Variants in ZDHHC15 observed in about 807,000 individuals in gnomAD.
The protein encoded by ZDHHC15 is zDHHC palmitoyltransferase 15.
ZDHHC15 carries 19 observed loss-of-function variants against 31.7 expected under a neutral mutation model. That is an observed-to-expected ratio of 0.60 (90% CI 0.42 to 0.88). The LOEUF is 0.88. ZDHHC15 is among the 40% of genes least tolerant of loss of function. The pLI is 0.00. For synonymous variants in ZDHHC15, 103 were observed against 90.0 expected (o/e 1.14, Z -0.82); for missense variants, 209 against 251.2 (o/e 0.83, Z 1.14).
chrX:75,482,437 T>C (rs758201917), intron 2 of ZDHHC15, among the ~76,000 whole-genome samples: 70 of 111,971 alleles, frequency 6.3e-4, no homozygotes, highest in Non-Finnish European at 1.1e-3. Flanking sequence ...TATTACATTT[T>C]GAAATGGCTT....
At chrX:75,384,706 GA>G in intron 10 of ZDHHC15, 1 of 804,534 alleles carries the variant, frequency 1.2e-6, no homozygotes, top group Non-Finnish European at 1.9e-6. Flanking sequence ...ATAAGCCAAA[GA>G]GAAAGGTACC....
intron 8 of ZDHHC15, among the ~76,000 whole-genome samples, chrX:75,422,969 C>T (rs988038548): frequency 1.4e-5 from 1 of 72,333 alleles, no homozygotes; most frequent in African/African-American, 5.5e-5. Flanking sequence ...CCCCACCCCA[C>T]AACAGGCCCC....
rs903530458 is a variant in ZDHHC15 at position 75,467,646 on chromosome X, T to C, written c.258+11245A>G. ...TGTAGTGGATGTCTAAATTCTGTCA[T>C]CATCTCACCCAGGTTAGGGCTATGA... On this transcript the variant is annotated intron_variant, in intron 3 of 11. Transcript: ENST00000373367. 4.1e-4 allele frequency among the ~76,000 whole-genome samples: 46 copies of C among 112,426 alleles called. 1 individual carries two copies. The highest frequency in any genetic ancestry group is 1.5e-3 in the African/African-American group (46 of 30,977).
intron 10 of ZDHHC15, among the ~76,000 whole-genome samples, chrX:75,379,979 G>T (rs1200228326): frequency 2.4e-5 from 1 of 41,086 alleles, no homozygotes; most frequent in East Asian, 1.1e-3. Flanking sequence ...ATTCCAGACA[G>T]CAGGTTGCTT....
intron 1 of ZDHHC15, among the ~76,000 whole-genome samples, chrX:75,513,510 A>G (rs1258991289): frequency 1.8e-5 from 2 of 111,385 alleles, no homozygotes; most frequent in Admixed American, 1.9e-4. Flanking sequence ...GTGACATTTT[A>G]AAGTGGCTGC....
chrX:75,460,396 G>A (rs1019813370), intron 3 of ZDHHC15, among the ~76,000 whole-genome samples: 1 of 110,842 alleles, frequency 9.0e-6, no homozygotes, highest in African/African-American at 3.3e-5. Flanking sequence ...GGACAAGGAT[G>A]GGTTCCCTCC....
chrX:75,482,018 T>C (rs770509495), intron 2 of ZDHHC15, among the ~76,000 whole-genome samples: 2 of 111,964 alleles, frequency 1.8e-5, no homozygotes, highest in East Asian at 2.8e-4. Flanking sequence ...TTTGAAGGAA[T>C]GAAGATAATG....
intron 4 of ZDHHC15, among the ~76,000 whole-genome samples, chrX:75,445,076 C>T (rs1005544087): frequency 6.3e-5 from 7 of 110,885 alleles, no homozygotes; most frequent in Non-Finnish European, 1.3e-4. Context: ...TCACTGATGG[C>T]AGACAGTGGG....
At chrX:75,485,197 C>T (rs1317983501) in intron 2 of ZDHHC15, among the ~76,000 whole-genome samples, 1 of 111,040 alleles carries the variant, frequency 9.0e-6, no homozygotes, top group Non-Finnish European at 1.9e-5. Context: ...AATGGTGACA[C>T]TGCATATAAA....
rs777504672 is a variant in ZDHHC15, at chrX:75,379,782, G to A, written c.968-584C>T. On this transcript the variant is annotated intron_variant, in intron 10 of 11. Coordinates refer to ENST00000373367, the MANE Select transcript of ZDHHC15 (RefSeq NM_144969.3). ...AGCATAATAATATACTTGGCATTTT[G>A]AGATTAAAAAGTTGACAGTAGCCAT... 2.7e-5 allele frequency among the ~76,000 whole-genome samples: 3 copies of A among 112,093 alleles called. No homozygotes were observed. The Admixed American group carries it at 2.8e-4, about 11-fold the overall frequency.
At chrX:75,412,254 T>C (rs1185595565) in intron 10 of ZDHHC15, among the ~76,000 whole-genome samples, 1 of 111,449 alleles carries the variant, frequency 9.0e-6, no homozygotes, top group Non-Finnish European at 1.9e-5. Flanking sequence ...CTATATGATC[T>C]GGCAATCCCC....
chrX:75,488,775 C>T (rs755562900), intron 2 of ZDHHC15, among the ~76,000 whole-genome samples: 37 of 111,787 alleles, frequency 3.3e-4, no homozygotes, highest in Admixed American at 1.5e-3. Context: ...GTGCACCAAG[C>T]GCTAGCCGAA....
At chrX:75,502,603 C>A (rs1010675841) in intron 2 of ZDHHC15, among the ~76,000 whole-genome samples, 2 of 111,268 alleles carry the variant, frequency 1.8e-5, no homozygotes, top group Non-Finnish European at 3.8e-5. Flanking sequence ...CAACTGTGGG[C>A]AACGCATTAT....
intron 7 of ZDHHC15, among the ~76,000 whole-genome samples, chrX:75,425,955 G>A (rs1283814889): frequency 9.0e-6 from 1 of 111,491 alleles, no homozygotes; most frequent in Admixed American, 9.6e-5. Context: ...TGTCAGCTGA[G>A]TGGGGGTCCA....
intron 10 of ZDHHC15, among the ~76,000 whole-genome samples, chrX:75,400,807 A>G (rs1246618887): frequency 8.9e-6 from 1 of 112,008 alleles, no homozygotes; most frequent in Non-Finnish European, 1.9e-5. Flanking sequence ...TATGAGCCAG[A>G]AAAGACTGGG....
intron 3 of ZDHHC15, among the ~76,000 whole-genome samples, chrX:75,478,000 T>G: frequency 9.0e-6 from 1 of 111,562 alleles, no homozygotes; most frequent in East Asian, 2.8e-4. Context: ...TTGGCTTCAT[T>G]AAGGAGACAG....
chrX:75,443,297 C>T (rs2083973936), intron 4 of ZDHHC15, among the ~76,000 whole-genome samples: 1 of 109,994 alleles, frequency 9.1e-6, no homozygotes, highest in Admixed American at 9.7e-5. Context: ...AGAACAGAGC[C>T]CTCAGAAATA....
chrX:75,518,368 A>G (rs1487321653), intron 1 of ZDHHC15, among the ~76,000 whole-genome samples: 3 of 111,506 alleles, frequency 2.7e-5, no homozygotes, highest in African/African-American at 9.8e-5. Context: ...GCAAACAAGT[A>G]CATAAAAAGA....
intron 11 of ZDHHC15, 112 bp from the exon 12 acceptor site, chrX:75,373,057 A>G (rs2083018204): frequency 9.0e-6 from 1 of 111,441 alleles, no homozygotes; most frequent in African/African-American, 3.3e-5. Flanking sequence ...TATGAAGAGT[A>G]TAGATCAGCA....
Sources: gnomAD v4.1 joint callset for allele counts (sites outside exome capture counted in the v4.1 genomes callset) on GRCh38, gnomAD v4.1.1 for gene constraint, MANE v1.5 for transcripts, NCBI Gene and HGNC (gene_info 2026-07-23, HGNC 2026-07-21) for gene names.